Variants in GPCPD1 observed in about 807,000 individuals in gnomAD.
The protein encoded by GPCPD1 is glycerophosphocholine phosphodiesterase GPCPD1.
A neutral mutation model predicts 89.2 loss-of-function variants in GPCPD1; 29 were observed. The observed-to-expected ratio is 0.33, with a 90% CI of 0.24 to 0.44. The LOEUF is 0.44. Among genes scored for constraint, GPCPD1 ranks in the 20% least tolerant of loss-of-function variants. The pLI is 1.00. For synonymous variants in GPCPD1, 258 were observed against 266.3 expected (o/e 0.97, Z 0.30); for missense variants, 594 against 808.9 (o/e 0.73, Z 3.22).
chr20:5,593,382 C>T lies in GPCPD1; in HGVS notation c.176G>A (p.Ser59Asn), dbSNP rs1979472608. ...SMLWKATIVL[S>N]RGVSVQYRYF... ...GCGATACTGAACTGATACTCCTCTA[C>T]TGAGTACAATGGTTGCTTTCCATAG... The change falls in exon 4 of 20, where the codon AGT becomes AAT. Residue 59 changes from serine to asparagine, a missense_variant. Coordinates refer to ENST00000379019, the MANE Select transcript of GPCPD1 (RefSeq NM_019593.5). 1 of 1,597,144 alleles carries T rather than the reference C, an allele frequency of 6.3e-7. No homozygotes were observed. Among genetic ancestry groups the T allele is most frequent in the Non-Finnish European group, 8.6e-7 (1 of 1,165,052 alleles).
intron 15 of GPCPD1, 132 bp downstream of exon 15, chr20:5,564,885 C>CA: frequency 1.5e-6 from 1 of 675,734 alleles, no homozygotes; most frequent in South Asian, 1.8e-5. Context: ...TAAAAGGCAC[C>CA]AATGATGATA....
rs1397074835 is a variant in GPCPD1 at position 5,558,594 on chromosome 20, A to G, written c.1668+90T>C. Reference sequence around the variant, plus strand: ...GCTACAGTTTAGTCAAAACGTTAACATTAGATGGGTAAAGTAATATGAAAT... The same window carrying G: ...GCTACAGTTTAGTCAAAACGTTAACGTTAGATGGGTAAAGTAATATGAAAT... On this transcript the variant is annotated intron_variant, in intron 18 of 19. Transcript: ENST00000379019. 7.9e-6 allele frequency: 6 copies of G among 755,112 alleles called. No homozygotes were observed. The Admixed American group carries it at 1.7e-4, about 22-fold the overall frequency. The allele number at this position is 755,112 out of a possible 1,614,324, so 46.8% of individuals were successfully genotyped here.
At chr20:5,550,861 CAG>C (rs1985365502) in intron 19 of GPCPD1, among the ~76,000 whole-genome samples, 1 of 152,138 alleles carries the variant, frequency 6.6e-6, no homozygotes, top group African/African-American at 2.4e-5. Flanking sequence ...AGATCTAACA[CAG>C]AGAATGGCAG....
intron 5 of GPCPD1, chr20:5,585,362 C>G (rs1282671702): frequency 2.0e-5 from 3 of 152,072 alleles, no homozygotes; most frequent in Non-Finnish European, 4.4e-5. Context: ...GAAACTCCCA[C>G]TGCTTTCTAA....
chr20:5,581,897 A>C (rs1339047402), intron 6 of GPCPD1, among the ~76,000 whole-genome samples: 1 of 131,820 alleles, frequency 7.6e-6, no homozygotes, highest in Non-Finnish European at 1.5e-5. Context: ...AAAAACTACT[A>C]CTCCAGGCCG....
At chr20:5,559,490 C>G (rs558736291) in intron 17 of GPCPD1, among the ~76,000 whole-genome samples, 1 of 152,336 alleles carries the variant, frequency 6.6e-6, no homozygotes, top group East Asian at 1.9e-4. Flanking sequence ...GAGGCCAAGG[C>G]AGGAGGACTG....
chr20:5,585,940 A>G (rs1008066094), intron 5 of GPCPD1: 3 of 355,130 alleles, frequency 8.4e-6, no homozygotes, highest in Admixed American at 4.5e-5. Context: ...ATGAAAGTGA[A>G]TATTTCATAA....
At chr20:5,586,665 C>T (rs1978946274) in intron 4 of GPCPD1, among the ~76,000 whole-genome samples, 1 of 152,158 alleles carries the variant, frequency 6.6e-6, no homozygotes, top group Admixed American at 6.5e-5. Flanking sequence ...GTATGTACCT[C>T]CTGCTCTATG....
At chr20:5,590,654 A>G (rs944150247) in intron 4 of GPCPD1, among the ~76,000 whole-genome samples, 2 of 152,282 alleles carry the variant, frequency 1.3e-5, no homozygotes, top group East Asian at 3.9e-4. Flanking sequence ...TCAAATCTCA[A>G]GTTAACACCT....
At position 5,566,797 on chromosome 20, in the gene GPCPD1, A is replaced by T. The variant is rs756974414; in HGVS notation, c.1228-25T>A. The T allele has an allele frequency of 1.5e-5, 22 of 1,514,268 alleles. No homozygotes were observed. The East Asian group carries it at 4.5e-4, about 31-fold the overall frequency. 93.8% of individuals were successfully genotyped at this position (1,514,268 alleles called of 1,614,324 possible). On this transcript the variant is annotated intron_variant, in intron 13 of 19. Transcript: ENST00000379019. ...GCTAGAAAGCACACAAACAAAATGA[A>T]ATCAGAAAGGAAGCCTTAGCTTATG...
At chr20:5,576,474 A>G (rs1978289229) in intron 8 of GPCPD1, among the ~76,000 whole-genome samples, 1 of 152,088 alleles carries the variant, frequency 6.6e-6, no homozygotes, top group Non-Finnish European at 1.5e-5. Flanking sequence ...CAAAAAGCTC[A>G]CAAAGTCAAC....
At chr20:5,580,196 C>T (rs1978359772) in intron 6 of GPCPD1, 65 bp from the exon 7 acceptor site, 1 of 792,480 alleles carries the variant, frequency 1.3e-6, no homozygotes, top group Non-Finnish European at 2.1e-6. Flanking sequence ...ACAATAAGTA[C>T]CTATAGGCAT....
chr20:5,546,920 A>G lies in GPCPD1; in HGVS notation c.*741T>C, dbSNP rs1240540201. On this transcript the variant is annotated 3_prime_UTR_variant, in exon 20 of 20. Transcript: ENST00000379019. The stretch of plus-strand genomic sequence containing the variant: ...AACACCTAAAGCATGCACTGAATTG[A>G]ATTTGTATGTTGTGATCTATTCTAC... 1 of 152,638 alleles carries G rather than the reference A, an allele frequency of 6.6e-6. No individual in the cohort carries two copies. The highest frequency in any genetic ancestry group is 1.5e-5 in the Non-Finnish European group (1 of 68,030). 9.5% of individuals were successfully genotyped at this position (152,638 alleles called of 1,614,324 possible). A position where few individuals can be genotyped will look rare whatever the true frequency, so the allele number is the denominator to read the frequency against.
At chr20:5,570,864 A>G in intron 11 of GPCPD1, among the ~76,000 whole-genome samples, 1 of 152,124 alleles carries the variant, frequency 6.6e-6, no homozygotes, top group East Asian at 1.9e-4. Context: ...TTAAAGCCAA[A>G]TTTCTAAAAA....
intron 10 of GPCPD1, chr20:5,574,246 A>C (rs2122652670): frequency 2.5e-6 from 1 of 396,150 alleles, no homozygotes; most frequent in East Asian, 5.1e-5. Flanking sequence ...GAGACATGTA[A>C]AGTGATCAAT....
intron 11 of GPCPD1, among the ~76,000 whole-genome samples, chr20:5,572,691 C>T (rs1360196845): frequency 3.3e-5 from 5 of 151,800 alleles, no homozygotes; most frequent in African/African-American, 4.8e-5. Context: ...GAATGTGAGG[C>T]GGTCCAGACA....
At chr20:5,561,945 C>T (rs957543834) in intron 15 of GPCPD1, among the ~76,000 whole-genome samples, 29 of 152,300 alleles carry the variant, frequency 1.9e-4, no homozygotes, top group African/African-American at 6.7e-4. Context: ...CTATGAAAAA[C>T]CATGATGTTT....
chr20:5,570,469 A>C (rs999777325), intron 11 of GPCPD1, among the ~76,000 whole-genome samples: 9 of 151,822 alleles, frequency 5.9e-5, no homozygotes, highest in Admixed American at 1.3e-4. Context: ...TCACTTCAAA[A>C]CACTCAGAGG....
intron 19 of GPCPD1, among the ~76,000 whole-genome samples, chr20:5,550,175 T>C (rs1028608930): frequency 6.8e-6 from 1 of 146,302 alleles, no homozygotes; most frequent in Non-Finnish European, 1.5e-5. Flanking sequence ...GCCTGGATGA[T>C]AGAGTGAGAC....
Sources: allele counts gnomAD v4.1 joint callset (sites outside exome capture counted in the v4.1 genomes callset), GRCh38; gene constraint gnomAD v4.1.1; transcripts MANE v1.5; gene names NCBI Gene and HGNC (gene_info 2026-07-23, HGNC 2026-07-21).